The following GRIK2 variants were observed in gnomAD, a reference collection of about 807,000 sequenced individuals.
GRIK2 encodes the protein glutamate receptor ionotropic, kainate 2.
In GRIK2, 32 loss-of-function variants were observed where a neutral mutation model predicts 100.3. The observed-to-expected ratio is 0.32, with a 90% confidence interval of 0.24 to 0.43. GRIK2 has a LOEUF of 0.43. GRIK2 is among the 20% of genes least tolerant of loss of function. The pLI is 1.00. For synonymous variants in GRIK2, 417 were observed against 389.4 expected, an observed-to-expected ratio of 1.07 and a Z score of -0.83; for missense variants, 843 against 1,114.9, an observed-to-expected ratio of 0.76 and a Z score of 3.47.
At chr6:101,733,889 A>T (rs1055699408) in intron 7 of GRIK2, among the ~76,000 whole-genome samples, 8 of 152,072 alleles carry the variant, frequency 5.3e-5, no homozygotes, top group African/African-American at 1.9e-4. Context: ...GCTAATTTGT[A>T]ACAAGAATCA....
intron 14 of GRIK2, among the ~76,000 whole-genome samples, chr6:101,967,799 A>T (rs977887310): frequency 2.0e-5 from 3 of 152,114 alleles, no homozygotes; most frequent in African/African-American, 7.2e-5. Context: ...TATTCATCTC[A>T]TAGAAATTAC....
chr6:101,996,381 TTTAA>T (rs1416473484), intron 14 of GRIK2, among the ~76,000 whole-genome samples: 1 of 152,088 alleles, frequency 6.6e-6, no homozygotes, highest in Non-Finnish European at 1.5e-5. Flanking sequence ...TTTTAACTAC[TTTAA>T]TTATGCTTCT....
chr6:102,060,890 T>G lies in GRIK2; in HGVS notation c.2562+5310T>G, dbSNP rs952226578. ...TTGACTAAAGTTGTGTTGATTCTTG[T>G]CAGACCTTATGTATTAATTTTTTAA... On this transcript the variant is annotated intron_variant, in intron 16 of 16. Coordinates refer to ENST00000369134, the MANE Select transcript of GRIK2 (RefSeq NM_021956.5). 4.0e-5 allele frequency among the ~76,000 whole-genome samples: 6 copies of G among 150,634 alleles called. No individual in the cohort carries two copies. The East Asian group carries it at 1.2e-3, about 29-fold the overall frequency.
chr6:101,552,100 A>C (rs1298500949), intron 2 of GRIK2, among the ~76,000 whole-genome samples: 1 of 152,106 alleles, frequency 6.6e-6, no homozygotes, highest in Non-Finnish European at 1.5e-5. Context: ...TCATGACTAG[A>C]GGGTAATAGA....
At chr6:101,835,401 A>G (rs1169588777) in intron 10 of GRIK2, among the ~76,000 whole-genome samples, 2 of 151,834 alleles carry the variant, frequency 1.3e-5, no homozygotes, top group East Asian at 3.9e-4. Context: ...TCATCCTCCA[A>G]AATTCTTACC....
intron 2 of GRIK2, among the ~76,000 whole-genome samples, chr6:101,513,386 G>C (rs1332392611): frequency 6.6e-6 from 1 of 152,150 alleles, no homozygotes; most frequent in Non-Finnish European, 1.5e-5. Context: ...TGTCCTTAGA[G>C]ACAATAGGAT....
intron 14 of GRIK2, among the ~76,000 whole-genome samples, chr6:101,999,453 G>T (rs955842208): frequency 2.0e-5 from 3 of 151,906 alleles, no homozygotes; most frequent in Non-Finnish European, 4.4e-5. Context: ...AAATTTTCCA[G>T]CTATCCTCAA....
intron 2 of GRIK2, among the ~76,000 whole-genome samples, chr6:101,427,743 G>T (rs766141220): frequency 1.1e-4 from 17 of 152,118 alleles, no homozygotes; most frequent in Non-Finnish European, 1.6e-4. Flanking sequence ...TAGGTGAATT[G>T]GTCATTCAGT....
intron 2 of GRIK2, among the ~76,000 whole-genome samples, chr6:101,471,969 T>C (rs1771969884): frequency 6.7e-6 from 1 of 148,330 alleles, no homozygotes; most frequent in South Asian, 2.1e-4. Context: ...ATTTTTTTCT[T>C]CATTAAAGAA....
intron 2 of GRIK2, among the ~76,000 whole-genome samples, chr6:101,451,621 C>A (rs1470825682): frequency 1.3e-5 from 2 of 149,084 alleles, no homozygotes; most frequent in Admixed American, 1.4e-4. Flanking sequence ...GATTTGCACC[C>A]CATTTTTAAA....
Position 101,957,803 on chromosome 6 carries a change from A to T in GRIK2, c.2085+29171A>T, listed in dbSNP as rs931419575. ...ATAGGATGTCTTTTCTCCAGTGTAT[A>T]CTTTTGTCAATTTTGTTGAAGATCA... On this transcript the variant is annotated intron_variant, in intron 14 of 16. Transcript: ENST00000369134. Among the ~76,000 whole-genome samples the T allele has an allele frequency of 7.2e-5, 11 of 151,834 alleles. 1 individual carries two copies. Among genetic ancestry groups the T allele is most frequent in the South Asian group, 2.1e-4 (1 of 4,818 alleles).
chr6:101,589,402 C>T (rs566217918), intron 2 of GRIK2, among the ~76,000 whole-genome samples: 1 of 152,180 alleles, frequency 6.6e-6, no homozygotes, highest in Admixed American at 6.6e-5. Context: ...GAACTTTTTC[C>T]ACCTATCGGA....
At chr6:102,014,381 CA>C (rs1332686389) in intron 14 of GRIK2, among the ~76,000 whole-genome samples, 3 of 150,560 alleles carry the variant, frequency 2.0e-5, no homozygotes, top group East Asian at 2.0e-4. Context: ...ATTTTTTTTT[CA>C]AAAAACCCAC....
At chr6:101,595,718 G>GTA (rs370175425) in intron 2 of GRIK2, among the ~76,000 whole-genome samples, 486 of 122,310 alleles carry the variant, frequency 4.0e-3, no homozygotes, top group East Asian at 0.012. Flanking sequence ...GTGTGTGTGT[G>GTA]TATATATATA....
intron 14 of GRIK2, among the ~76,000 whole-genome samples, chr6:102,016,552 A>G (rs1373014564): frequency 1.3e-5 from 2 of 151,528 alleles, no homozygotes; most frequent in Non-Finnish European, 2.9e-5. Flanking sequence ...AAAAAAATAA[A>G]TAAAAAAATT....
chr6:101,670,166 A>G (rs1344345041), intron 4 of GRIK2, among the ~76,000 whole-genome samples: 1 of 152,150 alleles, frequency 6.6e-6, no homozygotes, highest in Non-Finnish European at 1.5e-5. Context: ...GTCAAACTGT[A>G]TCTCATGCAG....
intron 7 of GRIK2, among the ~76,000 whole-genome samples, chr6:101,700,456 T>G (rs767497533): frequency 2.0e-5 from 3 of 151,992 alleles, no homozygotes; most frequent in African/African-American, 7.2e-5. Flanking sequence ...GGAAAGCCAT[T>G]AAAGATGTTA....
intron 7 of GRIK2, among the ~76,000 whole-genome samples, chr6:101,744,305 A>G (rs1022626769): frequency 1.3e-4 from 19 of 151,672 alleles, no homozygotes; most frequent in African/African-American, 4.4e-4. Flanking sequence ...CCAAAGTCCA[A>G]TGTGTCATTC....
intron 2 of GRIK2, among the ~76,000 whole-genome samples, chr6:101,572,077 T>G (rs1275092024): frequency 4.6e-5 from 7 of 152,126 alleles, no homozygotes; most frequent in Non-Finnish European, 7.4e-5. Context: ...TTGATCTTGA[T>G]TACTATTCTG....
Sources: gnomAD v4.1 joint callset for allele counts (sites outside exome capture counted in the v4.1 genomes callset) on GRCh38, gnomAD v4.1.1 for gene constraint, MANE v1.5 for transcripts, NCBI Gene and HGNC (gene_info 2026-07-23, HGNC 2026-07-21) for gene names.